Variants in NRXN1 observed in about 807,000 individuals in gnomAD.
NRXN1 encodes neurexin-1.
A neutral mutation model predicts 150.9 loss-of-function variants in NRXN1; 39 were observed. The observed-to-expected ratio is 0.26, with a 90% CI of 0.20 to 0.34. The LOEUF (loss-of-function observed/expected upper bound fraction) is 0.34. NRXN1 is among the 10% of genes least tolerant of loss of function. The pLI is 1.00. For synonymous variants in NRXN1, 924 were observed against 757.0 expected (o/e 1.22, Z -3.62); for missense variants, 1,815 against 1,949.9 (o/e 0.93, Z 1.30).
intron 17 of NRXN1, among the ~76,000 whole-genome samples, chr2:50,269,440 GT>G (rs2152921517): frequency 6.6e-6 from 1 of 152,182 alleles, no homozygotes; most frequent in Admixed American, 6.5e-5. Flanking sequence ...TTACGTCTAC[GT>G]ATTTACACAG....
intron 8 of NRXN1, among the ~76,000 whole-genome samples, chr2:50,572,641 T>C (rs528937111): frequency 1.3e-5 from 2 of 152,358 alleles, no homozygotes; most frequent in South Asian, 4.1e-4. Flanking sequence ...TTCCTGAAGC[T>C]GCACAGCTAG....
chr2:50,352,779 T>A (rs1402123), intron 17 of NRXN1, among the ~76,000 whole-genome samples: 29,673 of 94,066 alleles, frequency 0.32, 3,429 homozygotes, highest in African/African-American at 0.45. Flanking sequence ...ATAATAATAT[T>A]ATAATAATAA....
intron 17 of NRXN1, among the ~76,000 whole-genome samples, chr2:50,299,029 A>G (rs2073904915): frequency 6.6e-6 from 1 of 152,140 alleles, no homozygotes; most frequent in African/African-American, 2.4e-5. Flanking sequence ...CCATCCTTTT[A>G]TTATGTTCAA....
chr2:50,985,436 T>C (rs907570009), intron 2 of NRXN1: 7 of 151,482 alleles, frequency 4.6e-5, no homozygotes, highest in South Asian at 4.2e-4. Context: ...AATAGAAGAG[T>C]ATGGAGAGAT....
intron 13 of NRXN1, among the ~76,000 whole-genome samples, chr2:50,503,352 G>A (rs982054155): frequency 2.0e-5 from 3 of 150,768 alleles, no homozygotes; most frequent in Non-Finnish European, 4.4e-5. Flanking sequence ...ATAAGAAAGC[G>A]CTAAAAAAAT....
intron 6 of NRXN1, among the ~76,000 whole-genome samples, chr2:50,622,807 T>C (rs1284972470): frequency 6.6e-6 from 1 of 152,152 alleles, no homozygotes; most frequent in Non-Finnish European, 1.5e-5. Flanking sequence ...TCAGGAGATA[T>C]GTAAGCCCCT....
At chr2:50,372,592 G>C (rs771602245) in intron 17 of NRXN1, among the ~76,000 whole-genome samples, 1 of 152,084 alleles carries the variant, frequency 6.6e-6, no homozygotes, top group Non-Finnish European at 1.5e-5. Flanking sequence ...TTTATAAAAT[G>C]AGTACAGCAA....
At chr2:50,003,144 C>T (rs772821827) in intron 21 of NRXN1, among the ~76,000 whole-genome samples, 5 of 151,892 alleles carry the variant, frequency 3.3e-5, no homozygotes, top group African/African-American at 4.8e-5. Flanking sequence ...ATGAGAATAC[C>T]CTGATTAATT....
At chr2:50,386,091 T>C (rs986410311) in intron 17 of NRXN1, among the ~76,000 whole-genome samples, 1 of 152,002 alleles carries the variant, frequency 6.6e-6, no homozygotes, top group Admixed American at 6.6e-5. Context: ...TTCTATACTT[T>C]CCAATTTCTG....
At chr2:50,180,158 A>G (rs577878324) in intron 18 of NRXN1, among the ~76,000 whole-genome samples, 87 of 151,688 alleles carry the variant, frequency 5.7e-4, no homozygotes, top group East Asian at 1.8e-3. Context: ...AGTAGCTAAG[A>G]ATACAGGGCG....
chr2:50,548,980 C>T (rs781425185), intron 9 of NRXN1, among the ~76,000 whole-genome samples: 14 of 152,082 alleles, frequency 9.2e-5, no homozygotes, highest in East Asian at 1.9e-4. Context: ...ACAGATATGG[C>T]CTCATTATCT....
chr2:50,285,314 G>A (rs1410327159), intron 17 of NRXN1, among the ~76,000 whole-genome samples: 1 of 152,042 alleles, frequency 6.6e-6, no homozygotes, highest in Non-Finnish European at 1.5e-5. Context: ...ACTCATTCTA[G>A]TTCAGAGTTT....
chr2:50,627,162 C>A (rs1031723376), intron 5 of NRXN1, among the ~76,000 whole-genome samples: 7 of 151,842 alleles, frequency 4.6e-5, no homozygotes, highest in African/African-American at 1.7e-4. Context: ...AATTGACCAA[C>A]TGTAATAAGT....
chr2:49,950,014 C>T (rs1305976211), intron 21 of NRXN1, among the ~76,000 whole-genome samples: 2 of 151,612 alleles, frequency 1.3e-5, no homozygotes, highest in East Asian at 1.9e-4. Flanking sequence ...TAACAGGATT[C>T]AGGATTAGTA....
chr2:50,598,562 A>ATGTG (rs138387519), intron 8 of NRXN1, among the ~76,000 whole-genome samples: 25 of 147,414 alleles, frequency 1.7e-4, no homozygotes, highest in African/African-American at 6.3e-4. Context: ...GTATATATAT[A>ATGTG]TGTGTGTGTG....
intron 18 of NRXN1, among the ~76,000 whole-genome samples, chr2:50,196,552 T>C (rs1222962908): frequency 2.6e-5 from 4 of 152,134 alleles, no homozygotes; most frequent in African/African-American, 9.7e-5. Context: ...TTAATATCAA[T>C]GCAATCAGTG....
chr2:50,321,552 A>C (rs1431965998), intron 17 of NRXN1, among the ~76,000 whole-genome samples: 1 of 152,190 alleles, frequency 6.6e-6, no homozygotes, highest in Non-Finnish European at 1.5e-5. Flanking sequence ...GGAGACATAA[A>C]GTTACAAAAT....
intron 2 of NRXN1, among the ~76,000 whole-genome samples, chr2:50,927,809 G>A (rs979660123): frequency 5.3e-5 from 8 of 151,782 alleles, no homozygotes; most frequent in African/African-American, 1.2e-4. Context: ...CTGTAAAGAC[G>A]GGCAAATATG....
At chr2:50,325,857 T>G (rs950568320) in intron 17 of NRXN1, among the ~76,000 whole-genome samples, 2 of 152,186 alleles carry the variant, frequency 1.3e-5, no homozygotes, top group African/African-American at 4.8e-5. Flanking sequence ...GTGAACATGT[T>G]AAAAAGCTAA....
Sources: allele counts gnomAD v4.1 joint callset (sites outside exome capture counted in the v4.1 genomes callset), GRCh38; gene constraint gnomAD v4.1.1; transcripts MANE v1.5; gene names NCBI Gene and HGNC (gene_info 2026-07-23, HGNC 2026-07-21).